PDLIM3: variants seen among roughly 807,000 people sequenced by gnomAD.
The protein encoded by PDLIM3 is PDZ and LIM domain 3.
In PDLIM3, 36 loss-of-function variants were observed where a neutral mutation model predicts 37.3. That is an observed-to-expected ratio of 0.97 (90% CI 0.74 to 1.28). The LOEUF (loss-of-function observed/expected upper bound fraction) is 1.28, where lower values mean the gene tolerates loss of function less well. PDLIM3 is among the 50% of genes most tolerant of loss of function. The pLI, the probability that PDLIM3 is intolerant of heterozygous loss-of-function variation, is 0.00. For synonymous variants in PDLIM3, 174 were observed against 182.4 expected (o/e 0.95, Z 0.37); for missense variants, 454 against 485.0 (o/e 0.94, Z 0.60).
chr4:185,514,153 T>A lies in PDLIM3; in HGVS notation c.398+117A>T. On this transcript the variant is annotated intron_variant, in intron 4 of 7. Transcript: ENST00000284767. The surrounding 1 kb of genome is among the most constrained non-coding windows in gnomAD (Gnocchi z 4.0). ...AGTTTGTTTCTTTTTGCTTTTGAAA[T>A]AAGCTTCGCAATGAGAAAAGCCACT... The A allele has an allele frequency of 2.5e-6, 4 of 1,587,686 alleles. No homozygotes were observed. The highest frequency in any genetic ancestry group is 3.4e-6 in the Non-Finnish European group (4 of 1,165,564).
chr4:185,520,435 TTAA>T (rs72112212), intron 3 of PDLIM3, among the ~76,000 whole-genome samples: 54,507 of 95,524 alleles, frequency 0.57, 19,980 homozygotes, highest in Non-Finnish European at 0.82. Context: ...ATCTCAACCT[TTAA>T]AAAAAAAACA....
At chr4:185,506,407 C>T (rs1417938053) in intron 6 of PDLIM3, 115 bp downstream of exon 6, 3 of 1,390,210 alleles carry the variant, frequency 2.2e-6, no homozygotes, top group East Asian at 2.3e-5. Flanking sequence ...TCATTTGGCT[C>T]CCAATGAAAA....
intron 1 of PDLIM3, 51 bp downstream of exon 1, chr4:185,535,291 A>T: frequency 6.7e-7 from 1 of 1,500,678 alleles, no homozygotes; most frequent in African/African-American, 1.4e-5. Context: ...GTCCCCCCGG[A>T]CGCCGCCGGA....
intron 4 of PDLIM3, chr4:185,513,672 C>T: frequency 2.0e-6 from 2 of 991,710 alleles, no homozygotes; most frequent in Non-Finnish European, 2.4e-6. Context: ...TGTGGGCTGA[C>T]TGGCTTAGCT....
intron 4 of PDLIM3, among the ~76,000 whole-genome samples, chr4:185,511,785 A>G (rs1243154358): frequency 6.6e-6 from 1 of 152,248 alleles, no homozygotes; most frequent in African/African-American, 2.4e-5. Flanking sequence ...GGAATGTTCC[A>G]AAGCACAAAG....
intron 4 of PDLIM3, chr4:185,512,653 C>G: frequency 1.0e-6 from 1 of 984,266 alleles, no homozygotes; most frequent in South Asian, 4.7e-5. Context: ...ATGTGTTACT[C>G]TAACGTATCA....
intron 6 of PDLIM3, among the ~76,000 whole-genome samples, chr4:185,505,394 C>A (rs527751704): frequency 6.6e-6 from 1 of 152,102 alleles, no homozygotes; most frequent in African/African-American, 2.4e-5. Flanking sequence ...GAGGCCGAGG[C>A]GGGTGGACCA....
chr4:185,510,475 T>C lies in PDLIM3; in HGVS notation c.399-1913A>G, dbSNP rs951565643. ...CAAAACTTAACTACCAATAGCCTAC[T>C]GTTGAACCGAAGTTTTACAGATAAA... On this transcript the variant is annotated intron_variant, in intron 4 of 7. Coordinates refer to ENST00000284767, the MANE Select transcript of PDLIM3 (RefSeq NM_014476.6). Among the ~76,000 whole-genome samples, 4 of 152,340 alleles carry C rather than the reference T, an allele frequency of 2.6e-5. No individual in the cohort carries two copies. In the East Asian group the frequency reaches 7.7e-4, roughly 29 times the overall value.
intron 7 of PDLIM3, among the ~76,000 whole-genome samples, chr4:185,503,296 T>C (rs78897905): frequency 0.036 from 5,462 of 152,188 alleles, 327 homozygotes; most frequent in African/African-American, 0.12. Context: ...ATGGAATTCC[T>C]TTGGGGTGGG....
chr4:185,513,735 G>A, intron 4 of PDLIM3: 1 of 1,014,674 alleles, frequency 9.9e-7, no homozygotes, highest in Non-Finnish European at 1.2e-6. Flanking sequence ...TCCTGATTTG[G>A]CAATACAGGG....
At position 185,508,690 on chromosome 4, in the gene PDLIM3, C is replaced by T. The variant is rs1387037283; in HGVS notation, c.399-128G>A. ...GACAAAAGTGAGAGGTGAATTACAT[C>T]AAAATAAAACCAAATCTTGATTTGT... On this transcript the variant is annotated intron_variant, in intron 4 of 7. Coordinates refer to ENST00000284767, the MANE Select transcript of PDLIM3 (RefSeq NM_014476.6). 4 of 835,760 alleles carry T rather than the reference C, an allele frequency of 4.8e-6. No individual in the cohort carries two copies. The African/African-American group carries it at 5.0e-5, about 10-fold the overall frequency. The allele number at this position is 835,760 out of a possible 1,614,324, so 51.8% of individuals were successfully genotyped here. A position where few individuals can be genotyped will look rare whatever the true frequency, so the allele number is the denominator to read the frequency against.
In PDLIM3 at chr4:185,514,860, T is replaced by C; in HGVS notation, c.331-523A>G. On this transcript the variant is annotated intron_variant, in intron 3 of 7. Coordinates refer to ENST00000284767, the MANE Select transcript of PDLIM3 (RefSeq NM_014476.6). This position sits in a 1 kb window ranked among gnomAD's most constrained non-coding sequence, Gnocchi z 4.0. ...GCTGCAACAAAAGGCTGGGCCCTTC[T>C]GTTGTGCGCGGTACCAATGGGTTTG... 1 of 1,551,644 alleles carries C rather than the reference T, an allele frequency of 6.4e-7. No individual in the cohort carries two copies. Among genetic ancestry groups the C allele is most frequent in the Non-Finnish European group, 8.7e-7 (1 of 1,146,970 alleles).
chr4:185,502,203 T>C lies in PDLIM3; in HGVS notation c.*91A>G. 3.8e-6 allele frequency: 5 copies of C among 1,305,756 alleles called. No individual in the cohort carries two copies. The highest frequency in any genetic ancestry group is 5.5e-6 in the Non-Finnish European group (5 of 909,698). 80.9% of individuals were successfully genotyped at this position (1,305,756 alleles called of 1,614,324 possible). A position where few individuals can be genotyped will look rare whatever the true frequency, so the allele number is the denominator to read the frequency against. On this transcript the variant is annotated 3_prime_UTR_variant, in exon 8 of 8. Coordinates refer to ENST00000284767, the MANE Select transcript of PDLIM3 (RefSeq NM_014476.6). Reference sequence around the variant, plus strand: ...TTGACTTTAGATTTGGAGTTGACAATCTGCACAATCCTTCTGCCCAAAGCC... The same window carrying C: ...TTGACTTTAGATTTGGAGTTGACAACCTGCACAATCCTTCTGCCCAAAGCC...
rs975519616 is a variant in PDLIM3 at position 185,510,912 on chromosome 4, G to C, written c.399-2350C>G. On this transcript the variant is annotated intron_variant, in intron 4 of 7. Transcript: ENST00000284767. Reference sequence around the variant, plus strand: ...AGTAAACGAGTTTTCATGGATTCCAGTCACTGTGGATATCACTGGGGATAG... The same window carrying C: ...AGTAAACGAGTTTTCATGGATTCCACTCACTGTGGATATCACTGGGGATAG... 1.2e-4 allele frequency among the ~76,000 whole-genome samples: 19 copies of C among 152,208 alleles called. 1 individual carries two copies. The highest frequency in any genetic ancestry group is 1.2e-3 in the Admixed American group (19 of 15,284).
At chr4:185,502,821 C>T (rs1428893577) in intron 7 of PDLIM3, among the ~76,000 whole-genome samples, 2 of 152,182 alleles carry the variant, frequency 1.3e-5, no homozygotes, top group African/African-American at 4.8e-5. Context: ...CAAGACCAAC[C>T]CCTCTGCAAA....
At chr4:185,515,056 G>A (rs1188383792) in intron 3 of PDLIM3, 8 of 550,672 alleles carry the variant, frequency 1.5e-5, no homozygotes, top group Non-Finnish European at 2.5e-5. Context: ...GGTTTTCTCT[G>A]AGCTTTACAT....
intron 1 of PDLIM3, among the ~76,000 whole-genome samples, chr4:185,533,501 T>G (rs1318950139): frequency 6.6e-6 from 1 of 152,206 alleles, no homozygotes; most frequent in African/African-American, 2.4e-5. Flanking sequence ...CAAAAATGAT[T>G]TGGTTTTACC....
In PDLIM3 at chr4:185,504,474, CA is replaced by C; in HGVS notation, c.905del (p.Val302AlafsTer5). ...ATTCCAGGGTTAAAAGTGAAACTTA[CA>C]CTATGCCACTCCCACATTTGTCACA... ...PLCDKCGSGI[V>X]GAVVKARDKY... On this transcript the variant is annotated frameshift_variant and splice_region_variant, in exon 7 of 8. Transcript: ENST00000284767. LOFTEE classifies it high-confidence loss of function. The surrounding 1 kb of genome is among the most constrained non-coding windows in gnomAD (Gnocchi z 4.7). 6.2e-7 allele frequency: 1 copy of C among 1,608,472 alleles called. No individual in the cohort carries two copies. Among genetic ancestry groups the C allele is most frequent in the South Asian group, 1.1e-5 (1 of 90,976 alleles).
chr4:185,504,686 C>G lies in PDLIM3; in HGVS notation c.794-100G>C, dbSNP rs2095693779. The G allele has an allele frequency of 2.3e-6, 2 of 882,188 alleles. No homozygotes were observed. The highest frequency in any genetic ancestry group is 3.7e-6 in the Non-Finnish European group (2 of 542,070). 54.6% of individuals were successfully genotyped at this position (882,188 alleles called of 1,614,324 possible). ...TGTGCACTTTAACCTGAAGTTGCAT[C>G]TGCACCGTCATTCCGAGAGGGGCAG... On this transcript the variant is annotated intron_variant, in intron 6 of 7. Transcript: ENST00000284767. The surrounding 1 kb of genome is among the most constrained non-coding windows in gnomAD (Gnocchi z 4.7).
Sources: allele counts gnomAD v4.1 joint callset (sites outside exome capture counted in the v4.1 genomes callset), GRCh38; gene constraint gnomAD v4.1.1; non-coding constraint Gnocchi (gnomAD v3.1); transcripts MANE v1.5; gene names NCBI Gene and HGNC (gene_info 2026-07-23, HGNC 2026-07-21).